Variants in ZNF845 observed in about 807,000 individuals in gnomAD.
The protein encoded by ZNF845 is zinc finger protein 845.
In ZNF845, 59 loss-of-function variants were observed where a neutral mutation model predicts 76.1. The ratio of observed to expected loss-of-function variants is 0.78; its 90% CI spans 0.63 to 0.96. The LOEUF is 0.96. ZNF845 is among the 40% of genes least tolerant of loss of function. The pLI, the probability that ZNF845 is intolerant of heterozygous loss-of-function variation, is 0.00. For synonymous variants in ZNF845, 361 were observed against 386.9 expected (o/e 0.93, Z 0.78); for missense variants, 1,045 against 1,172.8 (o/e 0.89, Z 1.59).
intron 1 of ZNF845, chr19:53,337,269 T>C (rs2085222124): frequency 2.3e-5 from 10 of 427,800 alleles, no homozygotes; most frequent in South Asian, 1.7e-4. Context: ...GGCTCAGAGA[T>C]GTCTCCCATG....
chr19:53,349,666 A>G (rs962108477), intron 3 of ZNF845, among the ~76,000 whole-genome samples: 2 of 152,114 alleles, frequency 1.3e-5, no homozygotes, highest in African/African-American at 4.8e-5. Flanking sequence ...TTATTTTACT[A>G]ATTAATTTTT....
rs2085389789 is a variant in ZNF845 at position 53,356,752 on chromosome 19, A to AC, written c.*3168dup. 1.3e-5 allele frequency: 2 copies of AC among 151,692 alleles called. No individual in the cohort carries two copies. Among genetic ancestry groups the AC allele is most frequent in the African/African-American group, 2.4e-5 (1 of 41,228 alleles). The allele number at this position is 151,692 out of a possible 1,614,324, so 9.4% of individuals were successfully genotyped here. A position where few individuals can be genotyped will look rare whatever the true frequency, so the allele number is the denominator to read the frequency against. ...AGACCATCCTGGCTAACACGGTGAA[A>AC]CCCCGTCTCTACTAAAAATACAAAA... On this transcript the variant is annotated 3_prime_UTR_variant, in exon 4 of 4. Coordinates refer to ENST00000458035, the MANE Select transcript of ZNF845 (RefSeq NM_138374.3).
intron 3 of ZNF845, among the ~76,000 whole-genome samples, chr19:53,348,170 G>C (rs1008914001): frequency 6.6e-6 from 1 of 152,170 alleles, no homozygotes; most frequent in Non-Finnish European, 1.5e-5. Flanking sequence ...CATCCCGGGT[G>C]ACAGAGTGAG....
At position 53,334,728 on chromosome 19, in the gene ZNF845, C is replaced by T. The variant is rs555140617; in HGVS notation, c.-74+936C>T. Among the ~76,000 whole-genome samples, 253 of 32,480 alleles carry T rather than the reference C, an allele frequency of 7.8e-3. 3 individuals carry two copies. The highest frequency in any genetic ancestry group is 0.015 in the Middle Eastern group (1 of 68). 21.3% of individuals were successfully genotyped at this position (32,480 alleles called of 152,430 possible). ...CCGGCCTGGGCAAAATAGTGAGACC[C>T]CCCCCCCCATCTCTGTCAAAAAAAA... On this transcript the variant is annotated intron_variant, in intron 1 of 3. Coordinates refer to ENST00000458035, the MANE Select transcript of ZNF845 (RefSeq NM_138374.3).
chr19:53,336,711 A>G (rs1426415714), intron 1 of ZNF845, among the ~76,000 whole-genome samples: 1 of 138,162 alleles, frequency 7.2e-6, no homozygotes, highest in Non-Finnish European at 1.5e-5. Context: ...ATACATAATC[A>G]CTTCTGAAAG....
At chr19:53,350,480 C>T (rs1268331773) in intron 3 of ZNF845, among the ~76,000 whole-genome samples, 3 of 152,094 alleles carry the variant, frequency 2.0e-5, no homozygotes, top group Admixed American at 1.3e-4. Flanking sequence ...AGAATATATG[C>T]TTTTCTCCTC....
In ZNF845 at chr19:53,352,423, A is replaced by G. The variant is rs752935928; in HGVS notation, c.1748A>G (p.Asp583Gly). The G allele has an allele frequency of 2.3e-5, 37 of 1,613,956 alleles. No individual in the cohort carries two copies. The highest frequency in any genetic ancestry group is 3.1e-5 in the Non-Finnish European group (37 of 1,179,848). Reference protein sequence around the residue: ...HGIGKLYKCNDCHQVFSNATT... With the variant: ...HGIGKLYKCNGCHQVFSNATT... ...ATAGGGAAACTTTACAAATGTAATGATTGTCACCAAGTCTTTAGTAATGCT... is the reference window on the plus strand; with the variant it reads ...ATAGGGAAACTTTACAAATGTAATGGTTGTCACCAAGTCTTTAGTAATGCT... The change falls in exon 4 of 4, where the codon GAT (aspartate) becomes GGT (glycine). Residue 583 changes from aspartate to glycine, a missense_variant. Coordinates refer to ENST00000458035, the MANE Select transcript of ZNF845 (RefSeq NM_138374.3).
chr19:53,334,486 AAAAACAAAAC>A (rs1324068954), intron 1 of ZNF845, among the ~76,000 whole-genome samples: 1 of 152,172 alleles, frequency 6.6e-6, no homozygotes, highest in Admixed American at 6.6e-5. Flanking sequence ...CAAAAATGAA[AAAAACAAAAC>A]AAAACAAAAA....
chr19:53,340,665 C>T, intron 1 of ZNF845, among the ~76,000 whole-genome samples: 1 of 152,208 alleles, frequency 6.6e-6, no homozygotes, highest in Non-Finnish European at 1.5e-5. Context: ...GAAAAAATTA[C>T]ATGTTTACTC....
At chr19:53,336,387 G>A (rs1258567267) in intron 1 of ZNF845, among the ~76,000 whole-genome samples, 2 of 152,008 alleles carry the variant, frequency 1.3e-5, no homozygotes, top group African/African-American at 4.8e-5. Flanking sequence ...GCATGCATCT[G>A]TAGTTCCAGC....
In ZNF845 at chr19:53,342,829, A is replaced by T. The variant is rs979305255; in HGVS notation, c.15+1507A>T. ...CCAATAGTTATTTATTTATTTATTT[A>T]TTTTTTGAGACTGAGTTTTGCTCTT... On this transcript the variant is annotated intron_variant, in intron 2 of 3. Transcript: ENST00000458035. Among the ~76,000 whole-genome samples the T allele has an allele frequency of 4.6e-5, 7 of 152,002 alleles. No homozygotes were observed. The East Asian group carries it at 5.8e-4, about 13-fold the overall frequency.
intron 3 of ZNF845, among the ~76,000 whole-genome samples, chr19:53,347,925 C>CA (rs1221607207): frequency 5.3e-5 from 8 of 152,324 alleles, no homozygotes; most frequent in Admixed American, 2.6e-4. Context: ...CCCACAGACT[C>CA]ACGCCTGTAA....
Position 53,356,197 on chromosome 19 carries a change from C to T in ZNF845, c.*2609C>T, listed in dbSNP as rs187186800. 2.0e-5 allele frequency: 3 copies of T among 152,282 alleles called. No homozygotes were observed. Among genetic ancestry groups the T allele is most frequent in the East Asian group, 1.9e-4 (1 of 5,194 alleles). The allele number at this position is 152,282 out of a possible 1,614,324, so 9.4% of individuals were successfully genotyped here. ...GGATAAGACATCAGTTTGAAAAGAA[C>T]CTCTATCACAGCAATACAAATTCTG... On this transcript the variant is annotated 3_prime_UTR_variant, in exon 4 of 4. Transcript: ENST00000458035.
In ZNF845 at chr19:53,351,763, C is replaced by G; in HGVS notation, c.1088C>G (p.Ala363Gly). 6.2e-7 allele frequency: 1 copy of G among 1,613,958 alleles called. No individual in the cohort carries two copies. Among genetic ancestry groups the G allele is most frequent in the Non-Finnish European group, 8.5e-7 (1 of 1,179,966 alleles). Reference protein sequence around the residue: ...KPYKCEECDKAFSFKSNLERH... With the variant: ...KPYKCEECDKGFSFKSNLERH... ...TACAAATGTGAAGAATGTGACAAAG[C>G]TTTCAGTTTCAAATCAAACCTTGAA... Residue 363 changes from alanine (A) to glycine (G), a missense_variant, in exon 4 of 4, where the codon GCT (alanine) becomes GGT (glycine). By Grantham distance (60) the Ala-to-Gly change is moderately conservative. Coordinates refer to ENST00000458035, the MANE Select transcript of ZNF845 (RefSeq NM_138374.3).
At chr19:53,334,826 C>G (rs1414522574) in intron 1 of ZNF845, among the ~76,000 whole-genome samples, 1 of 152,036 alleles carries the variant, frequency 6.6e-6, no homozygotes, top group Non-Finnish European at 1.5e-5. Flanking sequence ...AGGAGGATCA[C>G]TTGAGCCCAG....
Position 53,356,662 on chromosome 19 carries a change from G to T in ZNF845, c.*3074G>T, listed in dbSNP as rs940371048. 1 of 152,210 alleles carries T rather than the reference G, an allele frequency of 6.6e-6. No individual in the cohort carries two copies. Among genetic ancestry groups the T allele is most frequent in the Non-Finnish European group, 1.5e-5 (1 of 68,064 alleles). 9.4% of individuals were successfully genotyped at this position (152,210 alleles called of 1,614,324 possible). On this transcript the variant is annotated 3_prime_UTR_variant, in exon 4 of 4. Coordinates refer to ENST00000458035, the MANE Select transcript of ZNF845 (RefSeq NM_138374.3). ...TTTGTAAATGAGGCCGGGCGTGGTG[G>T]CTCACGCCTGTAATCCCAGCACTTT...
chr19:53,353,180 G>T lies in ZNF845; in HGVS notation c.2505G>T (p.Glu835Asp), dbSNP rs879245877. ...GAGAGAAACCTTACAAGTGTAATGA[G>T]TGTGGCAAGACCTTCCGTCACAATT... Reference protein sequence around the residue: ...HSGEKPYKCNECGKTFRHNSA... With the variant: ...HSGEKPYKCNDCGKTFRHNSA... The change falls in exon 4 of 4, where the codon GAG (glutamate) becomes GAT (aspartate). Residue 835 changes from glutamate to aspartate, a missense_variant. Physicochemically the swap from Glu to Asp is conservative, Grantham distance 45. Coordinates refer to ENST00000458035, the MANE Select transcript of ZNF845 (RefSeq NM_138374.3). 6.2e-7 allele frequency: 1 copy of T among 1,610,920 alleles called. No individual in the cohort carries two copies. The highest frequency in any genetic ancestry group is 8.5e-7 in the Non-Finnish European group (1 of 1,178,596).
chr19:53,343,366 C>T (rs989101767), intron 2 of ZNF845, among the ~76,000 whole-genome samples: 5 of 152,176 alleles, frequency 3.3e-5, no homozygotes, highest in African/African-American at 1.2e-4. Flanking sequence ...TAAAGAGTGC[C>T]ATAGTGGCTG....
rs907462628 is a variant in ZNF845 at position 53,354,769 on chromosome 19, T to G, written c.*1181T>G. The G allele has an allele frequency of 3.3e-5, 5 of 152,238 alleles. No individual in the cohort carries two copies. The highest frequency in any genetic ancestry group is 7.3e-5 in the Non-Finnish European group (5 of 68,042). 9.4% of individuals were successfully genotyped at this position (152,238 alleles called of 1,614,324 possible). On this transcript the variant is annotated 3_prime_UTR_variant, in exon 4 of 4. Coordinates refer to ENST00000458035, the MANE Select transcript of ZNF845 (RefSeq NM_138374.3). ...ATAAGTTTCTTTAAACATTATTTATTGTTAATGTAAGGAAATTCAACTAAT... is the reference window on the plus strand; with the variant it reads ...ATAAGTTTCTTTAAACATTATTTATGGTTAATGTAAGGAAATTCAACTAAT...
Sources: gnomAD v4.1 joint callset for allele counts (sites outside exome capture counted in the v4.1 genomes callset) on GRCh38, gnomAD v4.1.1 for gene constraint, MANE v1.5 for transcripts, NCBI Gene and HGNC (gene_info 2026-07-23, HGNC 2026-07-21) for gene names.